CTDSPL2: variants seen among roughly 807,000 people sequenced by gnomAD.
CTDSPL2 encodes the protein CTD small phosphatase like 2.
In CTDSPL2, 5 loss-of-function variants were observed where a neutral mutation model predicts 60.0. That is an observed-to-expected ratio of 0.08 (90% CI 0.04 to 0.18). CTDSPL2 has a LOEUF of 0.18. CTDSPL2 is among the 10% of genes least tolerant of loss of function. The pLI is 1.00. For synonymous variants in CTDSPL2, 186 were observed against 189.3 expected, an observed-to-expected ratio of 0.98 and a Z score of 0.14; for missense variants, 370 against 548.8, an observed-to-expected ratio of 0.67 and a Z score of 3.26.
At chr15:44,450,829 C>T (rs1304650130) in intron 1 of CTDSPL2, among the ~76,000 whole-genome samples, 2 of 151,880 alleles carry the variant, frequency 1.3e-5, no homozygotes, top group Non-Finnish European at 2.9e-5. Context: ...AACTCCTGAC[C>T]TGAGATGATC....
chr15:44,468,045 AGATTAAG>A (rs1442968580), intron 2 of CTDSPL2, among the ~76,000 whole-genome samples: 3 of 152,122 alleles, frequency 2.0e-5, no homozygotes, highest in African/African-American at 7.2e-5. Flanking sequence ...TTTGGGATTA[AGATTAAG>A]CTGGTGCCAT....
intron 4 of CTDSPL2, 85 bp downstream of exon 4, chr15:44,486,785 G>A (rs1238991241): frequency 1.2e-5 from 12 of 989,712 alleles, no homozygotes; most frequent in African/African-American, 3.6e-5. Flanking sequence ...TTCTTGAGAC[G>A]AAGTCTCTCT....
chr15:44,443,647 C>A (rs971167949), intron 1 of CTDSPL2, among the ~76,000 whole-genome samples: 2 of 151,980 alleles, frequency 1.3e-5, no homozygotes, highest in African/African-American at 4.8e-5. Context: ...ATTAGCATTT[C>A]CGTGATAATT....
chr15:44,469,506 C>A (rs2080762510), intron 2 of CTDSPL2, among the ~76,000 whole-genome samples: 1 of 151,716 alleles, frequency 6.6e-6, no homozygotes, highest in South Asian at 2.1e-4. Context: ...TATTTTGATA[C>A]CTTATTTTTT....
chr15:44,523,975 A>G, intron 12 of CTDSPL2, 134 bp from the exon 13 acceptor site: 2 of 662,862 alleles, frequency 3.0e-6, no homozygotes, highest in Non-Finnish European at 2.7e-6. Flanking sequence ...TCTGTGTAGT[A>G]TCTCTATTTG....
chr15:44,485,434 G>T (rs1340159676), intron 3 of CTDSPL2, among the ~76,000 whole-genome samples: 1 of 152,190 alleles, frequency 6.6e-6, no homozygotes, highest in Non-Finnish European at 1.5e-5. Flanking sequence ...GATGGGAATG[G>T]TTTCAGGATG....
intron 1 of CTDSPL2, among the ~76,000 whole-genome samples, chr15:44,444,312 C>CAT (rs1195662206): frequency 6.8e-6 from 1 of 146,190 alleles, no homozygotes; most frequent in Admixed American, 6.7e-5. Context: ...TACACACACA[C>CAT]ACACACACAC....
Position 44,452,107 on chromosome 15 carries a change from TTA to T in CTDSPL2, c.-24-6882_-24-6881del, listed in dbSNP as rs372418139. Among the ~76,000 whole-genome samples the T allele has an allele frequency of 3.2e-4, 48 of 152,312 alleles. 1 individual carries two copies. In the East Asian group the frequency reaches 9.1e-3, roughly 29 times the overall value. ...TCCAACAAATCAGTGATCAAATAAA[TTA>T]TGAGACATTTATATTGAAATATTGA... On this transcript the variant is annotated intron_variant, in intron 1 of 12. Transcript: ENST00000260327.
intron 8 of CTDSPL2, among the ~76,000 whole-genome samples, chr15:44,504,541 C>T (rs887925359): frequency 7.2e-5 from 11 of 152,068 alleles, no homozygotes; most frequent in African/African-American, 2.7e-4. Context: ...AACCAACATG[C>T]ACATTGTTCT....
intron 1 of CTDSPL2, among the ~76,000 whole-genome samples, chr15:44,456,940 G>T (rs149327296): frequency 6.7e-6 from 1 of 148,852 alleles, no homozygotes; most frequent in Non-Finnish European, 1.5e-5. Flanking sequence ...GCAGTGGCGC[G>T]GTATTGGCTT....
intron 11 of CTDSPL2, chr15:44,521,073 GT>G (rs2081758859): frequency 8.6e-6 from 2 of 232,914 alleles, no homozygotes; most frequent in African/African-American, 4.6e-5. Flanking sequence ...GAACTTTCTT[GT>G]TTAGTTTTAT....
intron 1 of CTDSPL2, among the ~76,000 whole-genome samples, chr15:44,444,600 C>T (rs1049443986): frequency 6.6e-6 from 1 of 151,988 alleles, no homozygotes; most frequent in African/African-American, 2.4e-5. Flanking sequence ...CCCTCCTTGG[C>T]CTCCCAAAGT....
Position 44,525,985 on chromosome 15 carries a change from AC to A in CTDSPL2, c.*1812del, listed in dbSNP as rs2081865705. 3 of 152,434 alleles carry A rather than the reference AC, an allele frequency of 2.0e-5. No individual in the cohort carries two copies. The highest frequency in any genetic ancestry group is 2.9e-5 in the Non-Finnish European group (2 of 67,844). The allele number at this position is 152,434 out of a possible 1,614,324, so 9.4% of individuals were successfully genotyped here. A position where few individuals can be genotyped will look rare whatever the true frequency, so the allele number is the denominator to read the frequency against. On this transcript the variant is annotated 3_prime_UTR_variant, in exon 13 of 13. Transcript: ENST00000260327. The stretch of plus-strand genomic sequence containing the variant: ...ATGGCAGATTTTCTGCAAAAAAAAA[AC>A]AAAAGCATTTGCAATTCAGAATACT...
intron 2 of CTDSPL2, among the ~76,000 whole-genome samples, chr15:44,474,898 G>A (rs967109917): frequency 7.9e-5 from 12 of 152,010 alleles, no homozygotes; most frequent in Admixed American, 5.9e-4. Flanking sequence ...TTTGTCTTAA[G>A]GTACCAGTTA....
chr15:44,463,786 A>C (rs1444217536), intron 2 of CTDSPL2, among the ~76,000 whole-genome samples: 1 of 152,220 alleles, frequency 6.6e-6, no homozygotes, highest in Non-Finnish European at 1.5e-5. Context: ...ATGCTTGCTT[A>C]CGTATGTATC....
At position 44,525,105 on chromosome 15, in the gene CTDSPL2, T is replaced by A. The variant is rs2081851980; in HGVS notation, c.*931T>A. The stretch of plus-strand genomic sequence containing the variant: ...AGTTTGGTCACCTGTTTGGCTTGAT[T>A]TAGTTACTGCTGCCTTTGGTTTTCT... On this transcript the variant is annotated 3_prime_UTR_variant, in exon 13 of 13. Coordinates refer to ENST00000260327, the MANE Select transcript of CTDSPL2 (RefSeq NM_016396.3). 3.6e-6 allele frequency: 1 copy of A among 279,134 alleles called. No individual in the cohort carries two copies. Among genetic ancestry groups the A allele is most frequent in the Non-Finnish European group, 6.6e-6 (1 of 150,664 alleles). The allele number at this position is 279,134 out of a possible 1,614,324, so 17.3% of individuals were successfully genotyped here.
intron 8 of CTDSPL2, among the ~76,000 whole-genome samples, chr15:44,512,071 CT>C (rs1900646846): frequency 6.6e-6 from 1 of 151,796 alleles, no homozygotes; most frequent in South Asian, 2.1e-4. Context: ...GTGTTATGCA[CT>C]TGTCATCCCA....
intron 1 of CTDSPL2, among the ~76,000 whole-genome samples, chr15:44,457,437 CT>C (rs1347023134): frequency 8.5e-5 from 13 of 152,168 alleles, no homozygotes; most frequent in Non-Finnish European, 1.9e-4. Context: ...TAGCTTCAAA[CT>C]TTTCTTATGC....
chr15:44,498,738 A>G (rs2081341880), intron 7 of CTDSPL2, among the ~76,000 whole-genome samples: 1 of 152,050 alleles, frequency 6.6e-6, no homozygotes, highest in South Asian at 2.1e-4. Flanking sequence ...ATCTCCACTA[A>G]AAATACAAAA....
Sources: allele counts gnomAD v4.1 joint callset (sites outside exome capture counted in the v4.1 genomes callset), GRCh38; gene constraint gnomAD v4.1.1; transcripts MANE v1.5; gene names NCBI Gene and HGNC (gene_info 2026-07-23, HGNC 2026-07-21).